Variants in NBAS observed in about 807,000 individuals in gnomAD.
NBAS encodes the protein NAG/BC035112 fusion.
A neutral mutation model predicts 302.5 loss-of-function variants in NBAS; 219 were observed. The ratio of observed to expected loss-of-function variants is 0.72; its 90% CI spans 0.65 to 0.81. The LOEUF (loss-of-function observed/expected upper bound fraction) is 0.81. NBAS is among the 30% of genes least tolerant of loss of function. The probability of loss-of-function intolerance (pLI) is 0.00; values close to 1 mark genes in which losing one functional copy is unlikely to be tolerated. For synonymous variants in NBAS, 1,118 were observed against 1,021.6 expected, an observed-to-expected ratio of 1.09 and a Z score of -1.80; for missense variants, 2,932 against 2,841.6, an observed-to-expected ratio of 1.03 and a Z score of -0.72.
chr2:15,190,488 CTT>C (rs946258460), intron 48 of NBAS, 85 bp from the exon 49 acceptor site: 1 of 1,488,000 alleles, frequency 6.7e-7, no homozygotes, highest in Non-Finnish European at 9.1e-7. Flanking sequence ...TTTAATTAAA[CTT>C]TTTTTTAAAA....
chr2:15,345,307 A>G (rs564300523), intron 35 of NBAS, among the ~76,000 whole-genome samples: 12 of 152,252 alleles, frequency 7.9e-5, no homozygotes, highest in Non-Finnish European at 1.3e-4. Flanking sequence ...AACTTCAGCG[A>G]AGACTCAGGA....
intron 48 of NBAS, among the ~76,000 whole-genome samples, chr2:15,206,964 G>A (rs1282166944): frequency 1.3e-5 from 2 of 152,172 alleles, no homozygotes; most frequent in Non-Finnish European, 2.9e-5. Context: ...AGTCACCACT[G>A]GGGCACTGCC....
At chr2:15,522,086 T>C (rs1662699572) in intron 9 of NBAS, among the ~76,000 whole-genome samples, 1 of 152,176 alleles carries the variant, frequency 6.6e-6, no homozygotes, top group Non-Finnish European at 1.5e-5. Context: ...AAGTTATATA[T>C]CTATCCCAAG....
chr2:15,095,313 C>T, the NBAS span, among the ~76,000 whole-genome samples: 2 of 152,300 alleles, frequency 1.3e-5, no homozygotes, highest in South Asian at 4.1e-4. Context: ...CACAGTTCCA[C>T]GTGCCTGGGG....
the NBAS span, among the ~76,000 whole-genome samples, chr2:15,051,372 A>G: frequency 6.6e-6 from 1 of 152,194 alleles, no homozygotes; most frequent in Non-Finnish European, 1.5e-5. Context: ...CTGGTATTTC[A>G]TGAAGGTGCC....
chr2:15,308,677 C>T (rs1044672458), intron 39 of NBAS, among the ~76,000 whole-genome samples: 1 of 152,158 alleles, frequency 6.6e-6, no homozygotes, highest in Non-Finnish European at 1.5e-5. Context: ...ATTGCCCTGG[C>T]CAGAACTTCC....
chr2:14,805,661 G>A, the NBAS span, among the ~76,000 whole-genome samples: 1 of 152,050 alleles, frequency 6.6e-6, no homozygotes, highest in Non-Finnish European at 1.5e-5. Context: ...GACAAGAGAG[G>A]GCTGCTTCCA....
chr2:14,977,439 A>ATCAAGG, the NBAS span, among the ~76,000 whole-genome samples: 4 of 152,266 alleles, frequency 2.6e-5, no homozygotes, highest in African/African-American at 9.6e-5. Flanking sequence ...TCATTTAAGA[A>ATCAAGG]TCAAGGCACA....
At chr2:15,212,346 A>C (rs1332795743) in intron 48 of NBAS, among the ~76,000 whole-genome samples, 1 of 152,198 alleles carries the variant, frequency 6.6e-6, no homozygotes, top group East Asian at 1.9e-4. Context: ...TGAGCAGCAC[A>C]GAAGTCAAAC....
chr2:15,327,488 A>C (rs1023003039), intron 38 of NBAS, among the ~76,000 whole-genome samples: 1 of 152,214 alleles, frequency 6.6e-6, no homozygotes, highest in African/African-American at 2.4e-5. Context: ...ATCACTTTAC[A>C]TAACTAGCCA....
chr2:15,049,066 A>G, the NBAS span, among the ~76,000 whole-genome samples: 2 of 152,224 alleles, frequency 1.3e-5, no homozygotes, highest in African/African-American at 4.8e-5. Flanking sequence ...AGGCAGGTGG[A>G]GAGAGGAGGT....
the NBAS span, among the ~76,000 whole-genome samples, chr2:14,805,270 A>T: frequency 1.3e-5 from 2 of 152,156 alleles, no homozygotes; most frequent in Admixed American, 6.6e-5. Flanking sequence ...AGGAAGAGAA[A>T]ATTAAATAAG....
the NBAS span, among the ~76,000 whole-genome samples, chr2:15,107,054 G>C: frequency 6.6e-6 from 1 of 152,014 alleles, no homozygotes; most frequent in African/African-American, 2.4e-5. Context: ...GCCTTCTCTG[G>C]TTCCAAAAGA....
chr2:15,546,798 A>T (rs1664140100), intron 6 of NBAS, among the ~76,000 whole-genome samples: 1 of 152,210 alleles, frequency 6.6e-6, no homozygotes, highest in Non-Finnish European at 1.5e-5. Context: ...TCATGTCAAC[A>T]CACAGAGAAA....
chr2:15,301,533 G>A (rs1055924200), intron 40 of NBAS, among the ~76,000 whole-genome samples: 1 of 152,184 alleles, frequency 6.6e-6, no homozygotes, highest in Non-Finnish European at 1.5e-5. Context: ...AGGAACTGGT[G>A]TCCTCCAATT....
chr2:14,849,301 A>T, the NBAS span, among the ~76,000 whole-genome samples: 1 of 152,124 alleles, frequency 6.6e-6, no homozygotes. Flanking sequence ...CTCAGGAGCC[A>T]ATGCGATCAA....
the NBAS span, among the ~76,000 whole-genome samples, chr2:14,907,133 G>C: frequency 3.9e-5 from 6 of 152,154 alleles, no homozygotes; most frequent in Non-Finnish European, 8.8e-5. Context: ...TGGCTGCTGT[G>C]GGGTAGAAAG....
intron 12 of NBAS, among the ~76,000 whole-genome samples, chr2:15,486,229 T>A (rs947307867): frequency 6.6e-6 from 1 of 152,206 alleles, no homozygotes. Context: ...ACTACGTCCA[T>A]GGTTTTCAGT....
At chr2:15,038,267 A>G in the NBAS span, among the ~76,000 whole-genome samples, 2 of 151,836 alleles carry the variant, frequency 1.3e-5, no homozygotes, top group African/African-American at 4.8e-5. Context: ...GCGCACCACA[A>G]TGCCCAGCTA....
Sources: gnomAD v4.1 joint callset for allele counts (sites outside exome capture counted in the v4.1 genomes callset) on GRCh38, gnomAD v4.1.1 for gene constraint, MANE v1.5 for transcripts, NCBI Gene and HGNC (gene_info 2026-07-23, HGNC 2026-07-21) for gene names.